Variants in PRKCA observed in about 807,000 individuals in gnomAD.
PRKCA encodes the protein protein kinase C alpha type.
Under a neutral mutation model 87.0 loss-of-function variants are expected in PRKCA, and 27 were observed. The observed-to-expected ratio is 0.31, with a 90% CI of 0.23 to 0.43. PRKCA has a LOEUF of 0.43. PRKCA is among the 20% of genes least tolerant of loss of function. The pLI, the probability that PRKCA is intolerant of heterozygous loss-of-function variation, is 1.00. For missense variants in PRKCA, 518 were observed against 852.3 expected, an observed-to-expected ratio of 0.61 and a Z score of 4.88; for synonymous variants, 329 against 311.1, an observed-to-expected ratio of 1.06 and a Z score of -0.61.
chr17:66,405,125 C>T (rs1202090851), intron 2 of PRKCA, among the ~76,000 whole-genome samples: 1 of 152,114 alleles, frequency 6.6e-6, no homozygotes, highest in African/African-American at 2.4e-5. Flanking sequence ...TCTCTCCCAT[C>T]AGGAGAGAAG....
intron 8 of PRKCA, among the ~76,000 whole-genome samples, chr17:66,717,778 G>A (rs1450978388): frequency 6.6e-6 from 1 of 152,216 alleles, no homozygotes; most frequent in East Asian, 1.9e-4. Flanking sequence ...ATCCTAGGCA[G>A]GTCAGACTCC....
At chr17:66,440,696 T>G (rs1231523038) in intron 2 of PRKCA, among the ~76,000 whole-genome samples, 1 of 151,962 alleles carries the variant, frequency 6.6e-6, no homozygotes, top group Non-Finnish European at 1.5e-5. Context: ...GGTGGGCTAG[T>G]GAGAGCCAGT....
chr17:66,308,300 G>A (rs1188300102), intron 2 of PRKCA, among the ~76,000 whole-genome samples: 1 of 152,030 alleles, frequency 6.6e-6, no homozygotes, highest in Non-Finnish European at 1.5e-5. Context: ...TGAAGATATC[G>A]GGTAATATAC....
At chr17:66,650,031 A>G (rs1485488680) in intron 5 of PRKCA, among the ~76,000 whole-genome samples, 2 of 152,240 alleles carry the variant, frequency 1.3e-5, no homozygotes, top group African/African-American at 4.8e-5. Flanking sequence ...ACCATAAGCC[A>G]TCACATGCAG....
At chr17:66,640,518 A>G (rs900924715) in intron 3 of PRKCA, among the ~76,000 whole-genome samples, 2 of 152,206 alleles carry the variant, frequency 1.3e-5, no homozygotes, top group Non-Finnish European at 1.5e-5. Context: ...TAAAAAGCAT[A>G]AAATACTTTG....
intron 2 of PRKCA, among the ~76,000 whole-genome samples, chr17:66,440,510 T>G (rs1913676585): frequency 6.6e-6 from 1 of 152,068 alleles, no homozygotes; most frequent in South Asian, 2.1e-4. Context: ...GAGCTTAGAG[T>G]GTAGCAGAGA....
rs561754974 is a variant in PRKCA, at chr17:66,602,532, C to T, written c.289-38823C>T. Among the ~76,000 whole-genome samples, 86 of 152,202 alleles carry T rather than the reference C, an allele frequency of 5.7e-4. 1 individual carries two copies. The highest frequency in any genetic ancestry group is 1.8e-3 in the Admixed American group (27 of 15,298). ...AAATGCAGAAATCACCCGTCTTCTG[C>T]GTCGCTCACGCTGGGAGCTGTAGAC... On this transcript the variant is annotated intron_variant, in intron 3 of 16. Transcript: ENST00000413366.
At chr17:66,632,516 A>G (rs117353888) in intron 3 of PRKCA, among the ~76,000 whole-genome samples, 6,529 of 152,024 alleles carry the variant, frequency 0.043, 208 homozygotes, top group Non-Finnish European at 0.068. Flanking sequence ...AGTAGCTGGG[A>G]CTAAAGGCAT....
chr17:66,371,331 G>A (rs1909093961), intron 2 of PRKCA, among the ~76,000 whole-genome samples: 1 of 152,190 alleles, frequency 6.6e-6, no homozygotes, highest in Admixed American at 6.5e-5. Context: ...CTGCATGAGA[G>A]CCTTTCACCA....
chr17:66,742,995 G>T lies in PRKCA; in HGVS notation c.1524+235G>T, dbSNP rs141392272. ...TTTGCTCCATGTGAGCCAGTTGCTTGGGAAAATGTATTTGTTACATGGTCA... is the reference window on the plus strand; with the variant it reads ...TTTGCTCCATGTGAGCCAGTTGCTTTGGAAAATGTATTTGTTACATGGTCA... On this transcript the variant is annotated intron_variant, in intron 13 of 16. Transcript: ENST00000413366. Among the ~76,000 whole-genome samples, 310 of 152,300 alleles carry T rather than the reference G, an allele frequency of 2.0e-3. 2 individuals carry two copies. Among genetic ancestry groups the T allele is most frequent in the African/African-American group, 4.6e-3 (193 of 41,562 alleles).
At chr17:66,633,854 C>T (rs905029519) in intron 3 of PRKCA, among the ~76,000 whole-genome samples, 2 of 152,214 alleles carry the variant, frequency 1.3e-5, no homozygotes, top group African/African-American at 4.8e-5. Context: ...GTTAACTCCT[C>T]TAGAGATTTC....
intron 2 of PRKCA, among the ~76,000 whole-genome samples, chr17:66,328,924 C>A (rs1051487613): frequency 6.6e-6 from 1 of 152,142 alleles, no homozygotes; most frequent in Admixed American, 6.5e-5. Flanking sequence ...CCATTTAATC[C>A]GTGTTAAAAA....
chr17:66,797,295 C>T (rs868659299), intron 16 of PRKCA, among the ~76,000 whole-genome samples: 9 of 152,312 alleles, frequency 5.9e-5, no homozygotes, highest in East Asian at 3.9e-4. Flanking sequence ...ACCCAGAGTC[C>T]GTGTCATTCA....
chr17:66,458,457 T>C (rs181810499), intron 2 of PRKCA, among the ~76,000 whole-genome samples: 48 of 148,756 alleles, frequency 3.2e-4, no homozygotes, highest in African/African-American at 1.2e-3. Context: ...TCCTTTCAGG[T>C]TTGTCTTCTT....
intron 5 of PRKCA, among the ~76,000 whole-genome samples, chr17:66,678,917 G>A (rs941878680): frequency 1.3e-4 from 20 of 152,112 alleles, no homozygotes; most frequent in Admixed American, 7.9e-4. Context: ...TCCATGTGCT[G>A]TTTGTCCTAG....
At chr17:66,649,504 G>T (rs779142765) in intron 5 of PRKCA, among the ~76,000 whole-genome samples, 1 of 152,284 alleles carries the variant, frequency 6.6e-6, no homozygotes, top group South Asian at 2.1e-4. Context: ...ATGAGCAAAG[G>T]AGCTGAGAGA....
Position 66,742,607 on chromosome 17 carries a change from C to T in PRKCA, c.1386-15C>T, listed in dbSNP as rs1974181568. On this transcript the variant is annotated splice_polypyrimidine_tract_variant and intron_variant, in intron 12 of 16. Transcript: ENST00000413366. ...GTCATGGGAAGGACTCTGATGTTAA[C>T]CCGGTTCCTTGCAGGGATCTGAAGT... is the stretch of plus-strand genomic sequence containing the variant. The T allele has an allele frequency of 1.9e-6, 3 of 1,613,010 alleles. No individual in the cohort carries two copies. Among genetic ancestry groups the T allele is most frequent in the Admixed American group, 3.3e-5 (2 of 59,908 alleles).
intron 16 of PRKCA, among the ~76,000 whole-genome samples, chr17:66,797,204 C>CTA (rs531449836): frequency 1.8e-3 from 281 of 152,322 alleles, no homozygotes; most frequent in African/African-American, 6.5e-3. Context: ...CCCCCACACC[C>CTA]TATCACAGAA....
intron 2 of PRKCA, chr17:66,415,552 G>A (rs891286651): frequency 1.1e-4 from 16 of 152,204 alleles, no homozygotes; most frequent in African/African-American, 3.4e-4. Flanking sequence ...AAAACCAAAC[G>A]GCCAGATTTC....
Sources: allele counts gnomAD v4.1 joint callset (sites outside exome capture counted in the v4.1 genomes callset), GRCh38; gene constraint gnomAD v4.1.1; transcripts MANE v1.5; gene names NCBI Gene and HGNC (gene_info 2026-07-23, HGNC 2026-07-21).